SLC17A5: variants seen among roughly 807,000 people sequenced by gnomAD.
The protein encoded by SLC17A5 is solute carrier family 17 member 5.
Under a neutral mutation model 59.4 loss-of-function variants are expected in SLC17A5, and 47 were observed. That is an observed-to-expected ratio of 0.79 (90% confidence interval 0.63 to 1.01). The LOEUF is 1.01. Ranked by LOEUF, SLC17A5 falls within the 50% of genes least tolerant of loss-of-function variation. The pLI is 0.00. For synonymous variants in SLC17A5, 202 were observed against 210.7 expected (o/e 0.96, Z 0.36); for missense variants, 522 against 595.5 (o/e 0.88, Z 1.28).
intron 6 of SLC17A5, among the ~76,000 whole-genome samples, chr6:73,624,682 TG>T (rs1260978424): frequency 6.6e-6 from 1 of 152,112 alleles, no homozygotes; most frequent in Non-Finnish European, 1.5e-5. Flanking sequence ...AAGACCATCC[TG>T]GCCAACATGG....
intron 6 of SLC17A5, 26 bp from the exon 7 acceptor site, chr6:73,621,988 T>C (rs775750721): frequency 6.2e-7 from 1 of 1,610,434 alleles, no homozygotes; most frequent in Admixed American, 1.7e-5. Context: ...ATAATTAGGA[T>C]AAACTACGGC....
intron 9 of SLC17A5, among the ~76,000 whole-genome samples, chr6:73,604,468 G>A (rs898133639): frequency 6.6e-6 from 1 of 152,130 alleles, no homozygotes. Context: ...TTGGGGCCGG[G>A]TGTGGTGGTG....
intron 1 of SLC17A5, among the ~76,000 whole-genome samples, chr6:73,651,814 A>G (rs1769885827): frequency 6.6e-6 from 1 of 152,160 alleles, no homozygotes; most frequent in Non-Finnish European, 1.5e-5. Context: ...CGGCCTCCCA[A>G]AGTGAGTAAG....
intron 10 of SLC17A5, among the ~76,000 whole-genome samples, chr6:73,598,244 C>T (rs12214539): frequency 0.057 from 8,634 of 152,292 alleles, 445 homozygotes; most frequent in Admixed American, 0.17. Flanking sequence ...TTTATAACAA[C>T]ATTGAACCTC....
rs561651015 is a variant in SLC17A5, at chr6:73,648,245, G to C, written c.95-3642C>G. On this transcript the variant is annotated intron_variant, in intron 1 of 10. Transcript: ENST00000355773. ...TATAGCAGTAAAGAAAAACATGCCT[G>C]GGAATGTGAATATTCTTTGAAATTG... is the stretch of plus-strand genomic sequence containing the variant. Among the ~76,000 whole-genome samples the C allele has an allele frequency of 9.8e-5, 15 of 152,304 alleles. No individual in the cohort carries two copies. In the East Asian group the frequency reaches 2.1e-3, roughly 22 times the overall value.
In SLC17A5 at chr6:73,641,942, G is replaced by C; in HGVS notation, c.292-18C>G. On this transcript the variant is annotated intron_variant, in intron 2 of 10. Coordinates refer to ENST00000355773, the MANE Select transcript of SLC17A5 (RefSeq NM_012434.5). ...TTCTTACCCTACAAAAATCAGAAAAGAATAAAACAATCCTTTAAGACCTTC... is the reference window on the plus strand; with the variant it reads ...TTCTTACCCTACAAAAATCAGAAAACAATAAAACAATCCTTTAAGACCTTC... 1 of 1,598,450 alleles carries C rather than the reference G, an allele frequency of 6.3e-7. No individual in the cohort carries two copies. Among genetic ancestry groups the C allele is most frequent in the South Asian group, 1.1e-5 (1 of 90,702 alleles).
chr6:73,638,373 A>G (rs761661387), intron 4 of SLC17A5, 39 bp downstream of exon 4: 2 of 1,476,370 alleles, frequency 1.4e-6, no homozygotes, highest in Admixed American at 1.7e-5. Flanking sequence ...TGATATATAC[A>G]TAACATATTA....
At chr6:73,647,670 G>A (rs1180059428) in intron 1 of SLC17A5, among the ~76,000 whole-genome samples, 1 of 152,138 alleles carries the variant, frequency 6.6e-6, no homozygotes, top group Non-Finnish European at 1.5e-5. Context: ...ATGAAAGAAA[G>A]GTAAGTAAAA....
At chr6:73,639,424 A>G (rs556350252) in intron 3 of SLC17A5, among the ~76,000 whole-genome samples, 17 of 152,204 alleles carry the variant, frequency 1.1e-4, no homozygotes, top group Non-Finnish European at 2.2e-4. Flanking sequence ...AACAAAAACA[A>G]AAGGAATTAA....
At chr6:73,642,891 T>C (rs192292474) in intron 2 of SLC17A5, among the ~76,000 whole-genome samples, 1 of 152,346 alleles carries the variant, frequency 6.6e-6, no homozygotes, top group Admixed American at 6.5e-5. Flanking sequence ...TGTGGAATTC[T>C]AGGATTTCAT....
intron 6 of SLC17A5, among the ~76,000 whole-genome samples, chr6:73,630,721 A>C (rs1033394128): frequency 1.2e-4 from 18 of 152,126 alleles, no homozygotes; most frequent in Non-Finnish European, 1.2e-4. Context: ...TCTAGAAGAT[A>C]TCACTCTTTC....
chr6:73,598,641 A>C (rs1376331310), intron 10 of SLC17A5, among the ~76,000 whole-genome samples: 1 of 152,082 alleles, frequency 6.6e-6, no homozygotes. Flanking sequence ...AAAAGAAGAA[A>C]GAAATTACAA....
At chr6:73,620,064 C>CA (rs1476443009) in intron 7 of SLC17A5, among the ~76,000 whole-genome samples, 2 of 151,554 alleles carry the variant, frequency 1.3e-5, no homozygotes, top group Non-Finnish European at 2.9e-5. Context: ...GCTAGGACTA[C>CA]AAGTGCCTGC....
At chr6:73,604,730 G>A (rs1581958542) in intron 9 of SLC17A5, among the ~76,000 whole-genome samples, 1 of 152,250 alleles carries the variant, frequency 6.6e-6, no homozygotes, top group Admixed American at 6.5e-5. Flanking sequence ...CAGCCTGGGT[G>A]ACAGGGTGTG....
In SLC17A5 at chr6:73,600,960, G is replaced by A. The variant is rs867826036; in HGVS notation, c.1260-519C>T. Among the ~76,000 whole-genome samples, 8 of 152,252 alleles carry A rather than the reference G, an allele frequency of 5.3e-5. No homozygotes were observed. In the Middle Eastern group the frequency reaches 0.01, roughly 194 times the overall value. On this transcript the variant is annotated intron_variant, in intron 9 of 10. Transcript: ENST00000355773. Reference sequence around the variant, plus strand: ...TTTAACATTAACATTAGGCCCGGCCGCCACCCCGTCTGGGAAGTGAGGAGC... The same window carrying A: ...TTTAACATTAACATTAGGCCCGGCCACCACCCCGTCTGGGAAGTGAGGAGC...
chr6:73,629,340 C>T (rs559450826), intron 6 of SLC17A5, among the ~76,000 whole-genome samples: 2 of 152,156 alleles, frequency 1.3e-5, no homozygotes, highest in South Asian at 2.1e-4. Flanking sequence ...TGCAGTGAGC[C>T]AAGATCATGC....
At chr6:73,635,129 G>A (rs1768935380) in intron 6 of SLC17A5, 1 of 238,492 alleles carries the variant, frequency 4.2e-6, no homozygotes, top group Non-Finnish European at 8.0e-6. Flanking sequence ...TGTAGAGAAA[G>A]GGTCTCACTA....
Position 73,638,514 on chromosome 6 carries a change from CATG to C in SLC17A5, c.526-18_526-16del, listed in dbSNP as rs1243849792. Reference sequence around the variant, plus strand: ...AATGTAACACCCTGAGAGAAGGGAACATGATATTTCTGATGAAATGTAAGGTAG... The same window carrying C: ...AATGTAACACCCTGAGAGAAGGGAACATATTTCTGATGAAATGTAAGGTAG... On this transcript the variant is annotated splice_polypyrimidine_tract_variant and intron_variant, in intron 3 of 10. Transcript: ENST00000355773. 2.4e-5 allele frequency: 38 copies of C among 1,588,876 alleles called. No individual in the cohort carries two copies. Among genetic ancestry groups the C allele is most frequent in the Non-Finnish European group, 3.1e-5 (36 of 1,157,326 alleles).
chr6:73,651,192 G>C (rs934984594), intron 1 of SLC17A5, among the ~76,000 whole-genome samples: 1 of 152,176 alleles, frequency 6.6e-6, no homozygotes, highest in Non-Finnish European at 1.5e-5. Context: ...CCGGCCCGGT[G>C]GCTCAGGCCT....
Sources: gnomAD v4.1 joint callset for allele counts (sites outside exome capture counted in the v4.1 genomes callset) on GRCh38, gnomAD v4.1.1 for gene constraint, MANE v1.5 for transcripts, NCBI Gene and HGNC (gene_info 2026-07-23, HGNC 2026-07-21) for gene names.